TTC9: variants seen among roughly 807,000 people sequenced by gnomAD.
TTC9 encodes the protein tetratricopeptide repeat domain 9.
In TTC9, 13 loss-of-function variants were observed where a neutral mutation model predicts 22.9. The ratio of observed to expected loss-of-function variants is 0.57; its 90% CI spans 0.37 to 0.90. The LOEUF (loss-of-function observed/expected upper bound fraction) is 0.90, where lower values mean the gene tolerates loss of function less well. Ranked by LOEUF, TTC9 falls within the 40% of genes least tolerant of loss-of-function variation. The pLI, the probability that TTC9 is intolerant of heterozygous loss-of-function variation, is 0.01. For missense variants in TTC9, 280 were observed against 291.8 expected (o/e 0.96, Z 0.29); for synonymous variants, 148 against 133.2 (o/e 1.11, Z -0.77).
chr14:70,647,177 G>A (rs541311091), intron 1 of TTC9, among the ~76,000 whole-genome samples: 17 of 152,252 alleles, frequency 1.1e-4, no homozygotes, highest in Admixed American at 1.1e-3. Flanking sequence ...CTTATATGAG[G>A]AATTATAAAA....
At chr14:70,660,079 T>C (rs1013446429) in intron 1 of TTC9, among the ~76,000 whole-genome samples, 1 of 152,266 alleles carries the variant, frequency 6.6e-6, no homozygotes, top group African/African-American at 2.4e-5. Flanking sequence ...GGATGGATAC[T>C]GTCCACTGGT....
intron 1 of TTC9, among the ~76,000 whole-genome samples, chr14:70,656,703 G>A (rs978432729): frequency 4.6e-5 from 7 of 152,208 alleles, no homozygotes; most frequent in South Asian, 2.1e-4. Flanking sequence ...TGAACGTGAC[G>A]TGTGTACTTG....
chr14:70,655,963 C>T (rs1886059649), intron 1 of TTC9, among the ~76,000 whole-genome samples: 1 of 152,090 alleles, frequency 6.6e-6, no homozygotes, highest in Non-Finnish European at 1.5e-5. Context: ...CTCCTCTCAG[C>T]TTCTTAGGTT....
At chr14:70,670,978 C>T in intron 2 of TTC9, 98 bp from the exon 3 acceptor site, 3 of 1,180,342 alleles carry the variant, frequency 2.5e-6, no homozygotes, top group Non-Finnish European at 3.7e-6. Flanking sequence ...GTGAGCCTGG[C>T]CTGTTGGATG....
At chr14:70,643,435 A>G (rs1885857825) in intron 1 of TTC9, among the ~76,000 whole-genome samples, 1 of 152,218 alleles carries the variant, frequency 6.6e-6, no homozygotes, top group African/African-American at 2.4e-5. Flanking sequence ...CCTTCCTGGG[A>G]GAAGGTGGGA....
chr14:70,651,459 T>G (rs1464557600), intron 1 of TTC9, among the ~76,000 whole-genome samples: 1 of 149,234 alleles, frequency 6.7e-6, no homozygotes, highest in Non-Finnish European at 1.5e-5. Context: ...AATGCCATTC[T>G]GGGTATTATC....
At chr14:70,643,074 G>C (rs1392857672) in intron 1 of TTC9, among the ~76,000 whole-genome samples, 1 of 152,252 alleles carries the variant, frequency 6.6e-6, no homozygotes, top group Non-Finnish European at 1.5e-5. Flanking sequence ...AGCATCTTGA[G>C]CAAAATGGAT....
At position 70,648,748 on chromosome 14, in the gene TTC9, T is replaced by C. The variant is rs539967842; in HGVS notation, c.406+6213T>C. On this transcript the variant is annotated intron_variant, in intron 1 of 2. Coordinates refer to ENST00000256367, the MANE Select transcript of TTC9 (RefSeq NM_015351.2). ...CCTTTGGGAAGGCAGATGTCCATAT[T>C]TGGAACAAAATTTTCCGTTTCACCC... Among the ~76,000 whole-genome samples the C allele has an allele frequency of 2.5e-4, 38 of 152,284 alleles. No individual in the cohort carries two copies. The South Asian group carries it at 6.2e-3, about 25-fold the overall frequency.
At chr14:70,651,642 G>T (rs1885986066) in intron 1 of TTC9, among the ~76,000 whole-genome samples, 1 of 152,208 alleles carries the variant, frequency 6.6e-6, no homozygotes, top group African/African-American at 2.4e-5. Context: ...CAGAGTAGGA[G>T]CATGCCCCCT....
Position 70,667,875 on chromosome 14 carries a change from A to G in TTC9, c.589+129A>G. The G allele has an allele frequency of 5.6e-6, 5 of 890,466 alleles. No individual in the cohort carries two copies. The South Asian group carries it at 6.8e-5, about 12-fold the overall frequency. The allele number at this position is 890,466 out of a possible 1,614,324, so 55.2% of individuals were successfully genotyped here. On this transcript the variant is annotated intron_variant, in intron 2 of 2. Coordinates refer to ENST00000256367, the MANE Select transcript of TTC9 (RefSeq NM_015351.2). ...GAGATGGCAAAATTAGGGATCAGAT[A>G]TATATGATAAGACCTAAGAGGAGCA...
chr14:70,674,728 CCTTCA>C lies in TTC9; in HGVS notation c.*3577_*3581del, dbSNP rs1373399625. ...CTTTTTGTTTTTTGCTCCTTCTGTT[CCTTCA>C]CTTAATAATATCACGAACATTTTCG... On this transcript the variant is annotated 3_prime_UTR_variant, in exon 3 of 3. Coordinates refer to ENST00000256367, the MANE Select transcript of TTC9 (RefSeq NM_015351.2). The C allele has an allele frequency of 3.9e-5, 6 of 152,170 alleles. No individual in the cohort carries two copies. The highest frequency in any genetic ancestry group is 8.8e-5 in the Non-Finnish European group (6 of 68,038). 9.4% of individuals were successfully genotyped at this position (152,170 alleles called of 1,614,324 possible). A position where few individuals can be genotyped will look rare whatever the true frequency, so the allele number is the denominator to read the frequency against.
chr14:70,660,300 C>T (rs1279328922), intron 1 of TTC9, among the ~76,000 whole-genome samples: 1 of 152,202 alleles, frequency 6.6e-6, no homozygotes, highest in African/African-American at 2.4e-5. Flanking sequence ...CCATCTGATA[C>T]CTGTCTGCCC....
chr14:70,671,035 C>G, intron 2 of TTC9, 41 bp from the exon 3 acceptor site: 1 of 1,572,286 alleles, frequency 6.4e-7, no homozygotes, highest in South Asian at 1.1e-5. Context: ...TGATAGTTGC[C>G]CTCACCTGGT....
At chr14:70,642,865 G>A (rs1885844500) in intron 1 of TTC9, among the ~76,000 whole-genome samples, 1 of 152,160 alleles carries the variant, frequency 6.6e-6, no homozygotes, top group African/African-American at 2.4e-5. Context: ...CCCGGGGTGG[G>A]CCCCCGCAGC....
intron 1 of TTC9, among the ~76,000 whole-genome samples, chr14:70,657,205 A>G (rs1348907644): frequency 1.3e-5 from 2 of 152,258 alleles, no homozygotes; most frequent in Middle Eastern, 3.2e-3. Flanking sequence ...GAAGATATCA[A>G]TATCTCTTGA....
chr14:70,648,030 G>A (rs974457818), intron 1 of TTC9, among the ~76,000 whole-genome samples: 2 of 152,198 alleles, frequency 1.3e-5, no homozygotes, highest in African/African-American at 4.8e-5. Context: ...TAAAAACTCA[G>A]TGGTGAAAAG....
chr14:70,643,357 A>G (rs1482884225), intron 1 of TTC9, among the ~76,000 whole-genome samples: 1 of 152,232 alleles, frequency 6.6e-6, no homozygotes, highest in Admixed American at 6.5e-5. Flanking sequence ...GGATTTAAAA[A>G]TTGTTTAATT....
intron 1 of TTC9, among the ~76,000 whole-genome samples, chr14:70,667,054 C>G (rs956421684): frequency 2.0e-5 from 3 of 152,200 alleles, no homozygotes; most frequent in African/African-American, 7.2e-5. Flanking sequence ...AGAATCTGTT[C>G]CATGCCTCTC....
chr14:70,658,072 G>A (rs903270606), intron 1 of TTC9, among the ~76,000 whole-genome samples: 16 of 152,208 alleles, frequency 1.1e-4, no homozygotes, highest in East Asian at 5.8e-4. Context: ...AGATCAGCCA[G>A]TCCGGGTTTC....
Sources: gnomAD v4.1 joint callset for allele counts (sites outside exome capture counted in the v4.1 genomes callset) on GRCh38, gnomAD v4.1.1 for gene constraint, MANE v1.5 for transcripts, NCBI Gene and HGNC (gene_info 2026-07-23, HGNC 2026-07-21) for gene names.